The following XRN1 variants were observed in gnomAD, a reference collection of about 807,000 sequenced individuals.
XRN1 encodes the protein 5'-3' exoribonuclease 1, also known as strand-exchange protein 1 homolog.
A neutral mutation model predicts 222.3 loss-of-function variants in XRN1; 67 were observed. The ratio of observed to expected loss-of-function variants is 0.30; its 90% CI spans 0.25 to 0.37. The LOEUF (loss-of-function observed/expected upper bound fraction) is 0.37, where lower values mean the gene tolerates loss of function less well. Among genes scored for constraint, XRN1 ranks in the 10% least tolerant of loss-of-function variants. XRN1 has a pLI of 1.00. For missense variants in XRN1, 1,707 were observed against 2,000.2 expected (o/e 0.85, Z 2.80); for synonymous variants, 643 against 652.4 (o/e 0.99, Z 0.22).
rs754294670 is a variant in XRN1, at chr3:142,375,941, A to G, written c.2835T>C (p.Pro945=). 3.1e-6 allele frequency: 5 copies of G among 1,612,098 alleles called. No homozygotes were observed. The African/African-American group carries it at 6.7e-5, about 22-fold the overall frequency. ...IFIGRGSRRN[P]HGDHKANVGL... ...CCACATTTGCTTTATGGTCTCCATG[A>G]GGGCTGAATTTAAACCACACATGCG... Residue 945 remains proline, a synonymous_variant, in exon 25 of 41, where the codon CCT becomes CCC. Transcript: ENST00000392981.
rs763837800 is a variant in XRN1 at position 142,312,609 on chromosome 3, T to C, written c.4771A>G (p.Ile1591Val). The C allele has an allele frequency of 7.5e-6, 12 of 1,607,460 alleles. No homozygotes were observed. Among genetic ancestry groups the C allele is most frequent in the Non-Finnish European group, 1.0e-5 (12 of 1,177,154 alleles). The stretch of plus-strand genomic sequence containing the variant: ...ATTATTTTTCTTACCTGCAGAGGTA[T>C]AAACTGATTGTGCACACCCCCTGGT... ...GIPGGVHNQF[I>V]PLQVTKKRVA... Residue 1591 changes from isoleucine (I) to valine (V), a missense_variant, in exon 40 of 41, where the codon ATA becomes GTA. Ile to Val is a conservative substitution (Grantham distance 29). Around this residue, in one of 2 missense-constraint regions of XRN1, gnomAD observed 473 missense variants for 482.0 expected, o/e 0.98. Coordinates refer to ENST00000392981, the MANE Select transcript of XRN1 (RefSeq NM_001282857.2).
In XRN1 at chr3:142,311,450, T is replaced by TA; in HGVS notation, c.*60dup. The TA allele has an allele frequency of 1.4e-6, 2 of 1,385,984 alleles. No individual in the cohort carries two copies. Among genetic ancestry groups the TA allele is most frequent in the East Asian group, 4.6e-5 (2 of 43,474 alleles). The allele number at this position is 1,385,984 out of a possible 1,614,324, so 85.9% of individuals were successfully genotyped here. ...CATTCTAATTTTTATGAGACATAGA[T>TA]ATGTATTTATAAAAAGGTAGATGGA... is the stretch of plus-strand genomic sequence containing the variant. On this transcript the variant is annotated 3_prime_UTR_variant, in exon 41 of 41. Coordinates refer to ENST00000392981, the MANE Select transcript of XRN1 (RefSeq NM_001282857.2).
chr3:142,319,019 A>G, intron 37 of XRN1, 116 bp from the exon 38 acceptor site: 1 of 910,030 alleles, frequency 1.1e-6, no homozygotes, highest in Non-Finnish European at 1.6e-6. Flanking sequence ...AAGGGCTTTC[A>G]GTTCAAGTTT....
intron 39 of XRN1, among the ~76,000 whole-genome samples, chr3:142,315,706 G>T (rs1001978904): frequency 2.0e-5 from 3 of 151,536 alleles, no homozygotes; most frequent in Non-Finnish European, 4.4e-5. Flanking sequence ...TAGTAGAGAC[G>T]GTTTCACCAT....
intron 29 of XRN1, among the ~76,000 whole-genome samples, chr3:142,360,753 T>C (rs557026690): frequency 6.6e-6 from 1 of 151,534 alleles, no homozygotes; most frequent in African/African-American, 2.4e-5. Flanking sequence ...AGGCGCCTGT[T>C]GTCCCAGCTA....
At chr3:142,428,760 T>C (rs2069375373) in intron 2 of XRN1, among the ~76,000 whole-genome samples, 1 of 152,176 alleles carries the variant, frequency 6.6e-6, no homozygotes, top group African/African-American at 2.4e-5. Context: ...AAGGGGAAGA[T>C]GAGTTCAGTT....
intron 19 of XRN1, among the ~76,000 whole-genome samples, chr3:142,400,131 T>C (rs2068073759): frequency 6.6e-6 from 1 of 152,182 alleles, no homozygotes; most frequent in Non-Finnish European, 1.5e-5. Context: ...TGCTATTAAT[T>C]CTTGTTAGAA....
chr3:142,362,603 C>T (rs922119060), intron 29 of XRN1, among the ~76,000 whole-genome samples: 1 of 142,656 alleles, frequency 7.0e-6, no homozygotes, highest in Non-Finnish European at 1.5e-5. Flanking sequence ...GCCCCCACCC[C>T]CACCTCCATC....
At chr3:142,346,536 T>G (rs943037306) in intron 33 of XRN1, among the ~76,000 whole-genome samples, 1 of 151,718 alleles carries the variant, frequency 6.6e-6, no homozygotes, top group Non-Finnish European at 1.5e-5. Context: ...GGCTGGAGTG[T>G]AGTGGCTGAT....
intron 16 of XRN1, 96 bp downstream of exon 16, chr3:142,404,811 C>T: frequency 8.4e-7 from 1 of 1,185,588 alleles, no homozygotes; most frequent in Non-Finnish European, 1.2e-6. Flanking sequence ...TTTGCTAATT[C>T]TCCAAACAGA....
chr3:142,337,977 G>A (rs2065894349), intron 33 of XRN1, among the ~76,000 whole-genome samples: 1 of 152,188 alleles, frequency 6.6e-6, no homozygotes, highest in Non-Finnish European at 1.5e-5. Context: ...GGGAACTTGA[G>A]TACCTGCAAG....
At chr3:142,443,780 CTTTG>C (rs1410522254) in intron 1 of XRN1, among the ~76,000 whole-genome samples, 2 of 152,362 alleles carry the variant, frequency 1.3e-5, no homozygotes, top group East Asian at 3.9e-4. Flanking sequence ...ATCTGCACTC[CTTTG>C]TTTGTTGCTG....
chr3:142,316,908 A>C (rs1361777958), intron 39 of XRN1, among the ~76,000 whole-genome samples: 2 of 152,168 alleles, frequency 1.3e-5, no homozygotes, highest in Non-Finnish European at 2.9e-5. Flanking sequence ...TTGCTTAAAA[A>C]AAAAAGGGTA....
chr3:142,376,979 T>C (rs1191332523), intron 23 of XRN1, among the ~76,000 whole-genome samples: 2 of 152,122 alleles, frequency 1.3e-5, no homozygotes, highest in African/African-American at 2.4e-5. Context: ...AGCAAAGTAC[T>C]TGGGACAAAA....
intron 32 of XRN1, among the ~76,000 whole-genome samples, chr3:142,349,990 A>G (rs143095436): frequency 2.1e-3 from 317 of 152,326 alleles, no homozygotes; most frequent in Admixed American, 3.7e-3. Context: ...AGTGGAAGGA[A>G]CAAAAAGAAC....
chr3:142,421,500 C>T lies in XRN1; in HGVS notation c.1011G>A (p.Glu337=), dbSNP rs2069032604. 6.2e-7 allele frequency: 1 copy of T among 1,609,748 alleles called. No homozygotes were observed. The highest frequency in any genetic ancestry group is 1.7e-5 in the Admixed American group (1 of 59,348). The part of the protein sequence containing the change: ...ESGHLNLPRF[E]KYLVKLSDFD... ...CATCTGATAGTTTCACAAGGTATTTCTCAAATCGAGGTAAGTTGAGGTGCC... is the reference window on the plus strand; with the variant it reads ...CATCTGATAGTTTCACAAGGTATTTTTCAAATCGAGGTAAGTTGAGGTGCC... The change falls in exon 9 of 41, where the codon GAG becomes GAA. Residue 337 remains glutamate, a synonymous_variant. Coordinates refer to ENST00000392981, the MANE Select transcript of XRN1 (RefSeq NM_001282857.2).
intron 27 of XRN1, among the ~76,000 whole-genome samples, 156 bp downstream of exon 27, chr3:142,370,329 A>G (rs1395729839): frequency 1.3e-5 from 2 of 152,206 alleles, no homozygotes; most frequent in African/African-American, 2.4e-5. Context: ...GCTACTATAA[A>G]TGGTTAGAAC....
intron 33 of XRN1, among the ~76,000 whole-genome samples, chr3:142,345,237 A>G (rs1013380780): frequency 6.6e-6 from 1 of 152,164 alleles, no homozygotes; most frequent in Non-Finnish European, 1.5e-5. Flanking sequence ...TCTATAGCCA[A>G]ATAATTTTTG....
At chr3:142,418,727 T>C in intron 11 of XRN1, 88 bp downstream of exon 11, 1 of 1,509,590 alleles carries the variant, frequency 6.6e-7, no homozygotes, top group East Asian at 2.3e-5. Context: ...AGAAATCTGT[T>C]CCACCCAAAA....
Sources: allele counts gnomAD v4.1 joint callset (sites outside exome capture counted in the v4.1 genomes callset), GRCh38; gene constraint gnomAD v4.1.1; regional missense constraint gnomAD v4.1.1; transcripts MANE v1.5; gene names NCBI Gene and HGNC (gene_info 2026-07-23, HGNC 2026-07-21).